The following ADAM7 variants were observed in gnomAD, a reference collection of about 807,000 sequenced individuals.
The protein encoded by ADAM7 is disintegrin and metalloproteinase domain-containing protein 7.
Under a neutral mutation model 102.9 loss-of-function variants are expected in ADAM7, and 97 were observed. The observed-to-expected ratio is 0.94, with a 90% CI of 0.80 to 1.12. ADAM7 has a LOEUF of 1.12. Among genes scored for constraint, ADAM7 ranks in the 50% most tolerant of loss-of-function variants. The probability of loss-of-function intolerance (pLI) is 0.00; values close to 1 mark genes in which losing one functional copy is unlikely to be tolerated. For missense variants in ADAM7, 991 were observed against 908.7 expected (o/e 1.09, Z -1.16); for synonymous variants, 334 against 304.4 (o/e 1.10, Z -1.01).
chr8:24,504,989 T>C (rs907514090), intron 20 of ADAM7, among the ~76,000 whole-genome samples: 16 of 152,134 alleles, frequency 1.1e-4, no homozygotes, highest in African/African-American at 3.4e-4. Context: ...AAGTTTACAC[T>C]GAGATTTTCA....
At chr8:24,471,253 A>G (rs893307415) in intron 7 of ADAM7, among the ~76,000 whole-genome samples, 4 of 152,140 alleles carry the variant, frequency 2.6e-5, no homozygotes, top group African/African-American at 4.8e-5. Context: ...AAAATGTTAC[A>G]GTACGCTAAG....
intron 7 of ADAM7, among the ~76,000 whole-genome samples, chr8:24,470,612 A>T (rs1819572661): frequency 6.6e-6 from 1 of 152,174 alleles, no homozygotes; most frequent in South Asian, 2.1e-4. Flanking sequence ...TTAGATGATA[A>T]CAAAGCAGAA....
chr8:24,462,291 A>G (rs1317270070), intron 3 of ADAM7, among the ~76,000 whole-genome samples: 3 of 152,172 alleles, frequency 2.0e-5, no homozygotes, highest in Non-Finnish European at 4.4e-5. Flanking sequence ...GAGTTTGTTT[A>G]CAGAACTGAG....
chr8:24,508,927 A>G lies in ADAM7; in HGVS notation c.*381A>G. 1.9e-6 allele frequency: 2 copies of G among 1,043,906 alleles called. No homozygotes were observed. The highest frequency in any genetic ancestry group is 2.3e-6 in the Non-Finnish European group (2 of 869,074). The allele number at this position is 1,043,906 out of a possible 1,614,324, so 64.7% of individuals were successfully genotyped here. On this transcript the variant is annotated 3_prime_UTR_variant, in exon 22 of 22. Coordinates refer to ENST00000175238, the MANE Select transcript of ADAM7 (RefSeq NM_003817.4). The stretch of plus-strand genomic sequence containing the variant: ...AAGAAAACATTGCATATAAAAAGTT[A>G]CTTTTTTGGAAACATAAAAGTACGT...
chr8:24,501,022 T>C (rs774074262), intron 19 of ADAM7, 127 bp downstream of exon 19: 6 of 720,924 alleles, frequency 8.3e-6, no homozygotes, highest in Non-Finnish European at 1.3e-5. Context: ...GTAAGAATAG[T>C]AGTAACTCAA....
intron 3 of ADAM7, among the ~76,000 whole-genome samples, chr8:24,453,067 T>A (rs892344955): frequency 2.0e-5 from 3 of 151,622 alleles, no homozygotes; most frequent in African/African-American, 7.3e-5. Flanking sequence ...GACCTTTCTC[T>A]CTGGCTGCCC....
Position 24,499,836 on chromosome 8 carries a change from T to TCA in ADAM7, c.1924-325_1924-324dup, listed in dbSNP as rs113407082. On this transcript the variant is annotated intron_variant, in intron 17 of 21. Transcript: ENST00000175238. ...CACACACACACACACACATCACACA[T>TCA]CACACACACACACACACATACATAT... Among the ~76,000 whole-genome samples, 482 of 140,932 alleles carry TCA rather than the reference T, an allele frequency of 3.4e-3. 1 individual carries two copies. The highest frequency in any genetic ancestry group is 0.011 in the African/African-American group (407 of 38,666). The allele number at this position is 140,932 out of a possible 152,430, so 92.5% of individuals were successfully genotyped here.
At chr8:24,495,716 G>C (rs1330023127) in intron 16 of ADAM7, among the ~76,000 whole-genome samples, 1 of 152,152 alleles carries the variant, frequency 6.6e-6, no homozygotes, top group Non-Finnish European at 1.5e-5. Flanking sequence ...GTGGAACTGT[G>C]AACTGAAGAG....
At chr8:24,491,814 TGGATGAATGGG>T in intron 13 of ADAM7, 78 bp from the exon 14 acceptor site, 1 of 1,115,712 alleles carries the variant, frequency 9.0e-7, no homozygotes, top group African/African-American at 1.6e-5. Flanking sequence ...AAACCTTTTT[TGGATGAATGGG>T]TCAACTTTCT....
intron 3 of ADAM7, 62 bp downstream of exon 3, chr8:24,447,324 G>T: frequency 1.1e-6 from 1 of 921,484 alleles, no homozygotes; most frequent in Non-Finnish European, 1.5e-6. Context: ...GCCAATTTTC[G>T]TAAAAACTGC....
chr8:24,506,844 A>G (rs1367852717), intron 20 of ADAM7, among the ~76,000 whole-genome samples: 1 of 151,788 alleles, frequency 6.6e-6, no homozygotes, highest in Non-Finnish European at 1.5e-5. Context: ...TAGAATCTCT[A>G]TCTCTACATC....
At chr8:24,455,644 A>G (rs960733196) in intron 3 of ADAM7, among the ~76,000 whole-genome samples, 6 of 152,230 alleles carry the variant, frequency 3.9e-5, no homozygotes, top group African/African-American at 1.4e-4. Flanking sequence ...AGGTTCAAGC[A>G]GTCCTCCTGC....
In ADAM7 at chr8:24,447,234, A is replaced by G. The variant is rs1046007892; in HGVS notation, c.205A>G (p.Thr69Ala). ...GTATGAAATAAAACTAAATAGAAAA[A>G]CCTTAGTCCTTCATCTTCTAAGATC... ...LLYEIKLNRK[T>A]LVLHLLRSRE... The change falls in exon 3 of 22, where the codon ACC (threonine) becomes GCC (alanine). Residue 69 changes from threonine (T) to alanine (A), a missense_variant. By Grantham distance (58) the Thr-to-Ala change is moderately conservative. Transcript: ENST00000175238. The G allele has an allele frequency of 1.3e-6, 2 of 1,537,658 alleles. No homozygotes were observed.
chr8:24,491,653 T>C (rs1477429894), intron 13 of ADAM7, among the ~76,000 whole-genome samples: 1 of 152,166 alleles, frequency 6.6e-6, no homozygotes, highest in Admixed American at 6.5e-5. Context: ...GTTTCTTCAT[T>C]TGATGTACAT....
At chr8:24,452,382 T>C (rs1227192192) in intron 3 of ADAM7, among the ~76,000 whole-genome samples, 1 of 148,350 alleles carries the variant, frequency 6.7e-6, no homozygotes, top group Non-Finnish European at 1.5e-5. Context: ...TCTTGTTGAA[T>C]TGATCCCTTT....
intron 7 of ADAM7, 45 bp downstream of exon 7, chr8:24,468,865 A>T: frequency 6.6e-7 from 1 of 1,522,818 alleles, no homozygotes; most frequent in Non-Finnish European, 9.1e-7. Context: ...TTCCTTTTGG[A>T]ACTTGTAGTT....
chr8:24,508,514 C>T lies in ADAM7; in HGVS notation c.*-32C>T, dbSNP rs148866425. Reference sequence around the variant, plus strand: ...CATGGTTCACAGATTTCATAGGAAACAATCTATTTTTAACCATCTGTTTCT... The same window carrying T: ...CATGGTTCACAGATTTCATAGGAAATAATCTATTTTTAACCATCTGTTTCT... On this transcript the variant is annotated intron_variant, in intron 21 of 21. Coordinates refer to ENST00000175238, the MANE Select transcript of ADAM7 (RefSeq NM_003817.4). 464 of 1,605,084 alleles carry T rather than the reference C, an allele frequency of 2.9e-4. 3 individuals carry two copies. In the African/African-American group the frequency reaches 5.3e-3, roughly 18 times the overall value.
At chr8:24,475,834 G>A (rs528920951) in intron 7 of ADAM7, 8 of 428,574 alleles carry the variant, frequency 1.9e-5, no homozygotes, top group East Asian at 1.4e-4. Context: ...ACAAGATCCC[G>A]ATAGTACAAA....
Position 24,509,496 on chromosome 8 carries a change from A to C in ADAM7, c.*950A>C. 1.0e-6 allele frequency: 1 copy of C among 983,978 alleles called. No homozygotes were observed. The highest frequency in any genetic ancestry group is 1.2e-6 in the Non-Finnish European group (1 of 828,616). 61.0% of individuals were successfully genotyped at this position (983,978 alleles called of 1,614,324 possible). On this transcript the variant is annotated 3_prime_UTR_variant, in exon 22 of 22. Transcript: ENST00000175238. ...ATTTTTTTTCCATTTACTGAAATAA[A>C]GTTTTCAAGTTCTAAATAAAAATAT...
Sources: gnomAD v4.1 joint callset for allele counts (sites outside exome capture counted in the v4.1 genomes callset) on GRCh38, gnomAD v4.1.1 for gene constraint, MANE v1.5 for transcripts, NCBI Gene and HGNC (gene_info 2026-07-23, HGNC 2026-07-21) for gene names.